Variants in NXPE2 observed in about 807,000 individuals in gnomAD.
The protein encoded by NXPE2 is NXPE family member 2.
A neutral mutation model predicts 34.4 loss-of-function variants in NXPE2; 34 were observed. The observed-to-expected ratio is 0.99, with a 90% CI of 0.75 to 1.31. The LOEUF (loss-of-function observed/expected upper bound fraction) is 1.31. Ranked by LOEUF, NXPE2 falls within the 40% of genes most tolerant of loss-of-function variation. NXPE2 has a pLI of 0.00. For synonymous variants in NXPE2, 235 were observed against 231.3 expected (o/e 1.02, Z -0.15); for missense variants, 649 against 672.5 (o/e 0.97, Z 0.39).
chr11:114,562,517 A>G, the NXPE2 span, among the ~76,000 whole-genome samples: 1 of 152,224 alleles, frequency 6.6e-6, no homozygotes, highest in South Asian at 2.1e-4. Flanking sequence ...CATATTTCTC[A>G]TCAGGATATC....
the NXPE2 span, among the ~76,000 whole-genome samples, chr11:114,546,849 A>G: frequency 6.6e-6 from 1 of 152,182 alleles, no homozygotes; most frequent in Non-Finnish European, 1.5e-5. Flanking sequence ...CACAGGAACC[A>G]ATGGAAAGAG....
the NXPE2 span, among the ~76,000 whole-genome samples, chr11:114,806,787 A>C: frequency 2.0e-5 from 3 of 151,982 alleles, no homozygotes; most frequent in South Asian, 6.2e-4. Flanking sequence ...ATCCAGGAGA[A>C]CTTCCCCAAT....
chr11:114,699,060 A>G (rs1951317887), intron 3 of NXPE2, among the ~76,000 whole-genome samples: 1 of 152,170 alleles, frequency 6.6e-6, no homozygotes, highest in African/African-American at 2.4e-5. Context: ...TTTATAGACC[A>G]GTATTTTCTA....
At chr11:114,468,386 G>A in the NXPE2 span, among the ~76,000 whole-genome samples, 1 of 152,148 alleles carries the variant, frequency 6.6e-6, no homozygotes, top group African/African-American at 2.4e-5. Flanking sequence ...GTGGCAATGG[G>A]GCTTCTGACA....
intron 2 of NXPE2, among the ~76,000 whole-genome samples, chr11:114,688,826 T>G (rs1004973644): frequency 6.6e-6 from 1 of 152,060 alleles, no homozygotes; most frequent in Admixed American, 6.6e-5. Context: ...TTGTAAGAGA[T>G]TATGAGTTTC....
At chr11:114,770,249 A>G in the NXPE2 span, among the ~76,000 whole-genome samples, 88 of 152,302 alleles carry the variant, frequency 5.8e-4, 1 homozygote, top group Middle Eastern at 3.4e-3. Context: ...TTTTCTTTGA[A>G]TCTTACACAG....
the NXPE2 span, among the ~76,000 whole-genome samples, chr11:114,561,039 A>T: frequency 1.6e-4 from 25 of 152,120 alleles, no homozygotes. Flanking sequence ...TGGAACCTTC[A>T]TATTTGTCAT....
the NXPE2 span, among the ~76,000 whole-genome samples, chr11:114,474,867 A>G: frequency 6.6e-6 from 1 of 152,192 alleles, no homozygotes; most frequent in Non-Finnish European, 1.5e-5. Flanking sequence ...AGCGAAAACT[A>G]TGCAAAGCAA....
At chr11:114,554,227 C>G in the NXPE2 span, 12 of 978,400 alleles carry the variant, frequency 1.2e-5, no homozygotes, top group Non-Finnish European at 1.5e-5. Flanking sequence ...AGCCGAGATA[C>G]ACAACCTTTC....
chr11:114,651,211 A>G, the NXPE2 span, among the ~76,000 whole-genome samples: 2 of 152,164 alleles, frequency 1.3e-5, no homozygotes, highest in Admixed American at 1.3e-4. Flanking sequence ...ACAGTTCTTA[A>G]AGATGGTGTG....
chr11:114,594,775 A>G, the NXPE2 span: 2 of 1,302,530 alleles, frequency 1.5e-6, no homozygotes, highest in South Asian at 1.3e-5. Context: ...GGATCCTACA[A>G]GAGACAATAC....
the NXPE2 span, among the ~76,000 whole-genome samples, chr11:114,521,377 A>G: frequency 6.6e-6 from 1 of 152,168 alleles, no homozygotes; most frequent in Non-Finnish European, 1.5e-5. Context: ...TAATCTATCT[A>G]TGGCCAATGA....
the NXPE2 span, among the ~76,000 whole-genome samples, chr11:114,596,955 C>T: frequency 1.3e-5 from 2 of 152,168 alleles, no homozygotes; most frequent in Non-Finnish European, 2.9e-5. Flanking sequence ...AGCTTTGAAA[C>T]AGGGCTGAAT....
At chr11:114,784,911 T>A in the NXPE2 span, among the ~76,000 whole-genome samples, 2 of 152,040 alleles carry the variant, frequency 1.3e-5, no homozygotes, top group Admixed American at 1.3e-4. Context: ...GTGGGGAAGA[T>A]TGAAACCTGC....
chr11:114,622,952 C>T, the NXPE2 span, among the ~76,000 whole-genome samples: 7 of 152,074 alleles, frequency 4.6e-5, no homozygotes, highest in African/African-American at 1.4e-4. Flanking sequence ...ACCACTGTTA[C>T]CCATTGGGTA....
chr11:114,579,604 T>A, the NXPE2 span, among the ~76,000 whole-genome samples: 2 of 152,172 alleles, frequency 1.3e-5, no homozygotes, highest in Non-Finnish European at 2.9e-5. Flanking sequence ...CAAAGAGAAG[T>A]TATGTAAGAA....
intron 2 of NXPE2, among the ~76,000 whole-genome samples, chr11:114,684,442 A>G (rs999909343): frequency 4.0e-5 from 6 of 151,812 alleles, no homozygotes; most frequent in African/African-American, 1.5e-4. Context: ...AAAGAAAAGA[A>G]AAAAAAATAG....
the NXPE2 span, chr11:114,583,189 C>T: frequency 7.4e-6 from 6 of 813,066 alleles, no homozygotes; most frequent in East Asian, 1.6e-4. Context: ...TTAAATTCTC[C>T]AATAAAAAGG....
chr11:114,705,010 G>GT (rs1454270821), intron 4 of NXPE2, among the ~76,000 whole-genome samples: 9 of 152,164 alleles, frequency 5.9e-5, no homozygotes, highest in Admixed American at 5.9e-4. Context: ...ACGAACAAAT[G>GT]TAAGTTCCTC....
Sources: allele counts gnomAD v4.1 joint callset (sites outside exome capture counted in the v4.1 genomes callset), GRCh38; gene constraint gnomAD v4.1.1; transcripts MANE v1.5; gene names NCBI Gene and HGNC (gene_info 2026-07-23, HGNC 2026-07-21).